The following SLC8A1 variants were observed in gnomAD, a reference collection of about 807,000 sequenced individuals.
SLC8A1 encodes solute carrier family 8 member A1.
In SLC8A1, 18 loss-of-function variants were observed where a neutral mutation model predicts 68.3. The ratio of observed to expected loss-of-function variants is 0.26; its 90% confidence interval spans 0.18 to 0.39. The LOEUF is 0.39. SLC8A1 is among the 10% of genes least tolerant of loss of function. The pLI, the probability that SLC8A1 is intolerant of heterozygous loss-of-function variation, is 1.00. For synonymous variants in SLC8A1, 475 were observed against 415.5 expected (o/e 1.14, Z -1.74); for missense variants, 985 against 1,156.7 (o/e 0.85, Z 2.15).
intron 2 of SLC8A1, among the ~76,000 whole-genome samples, chr2:40,221,221 T>A (rs2058288759): frequency 6.6e-6 from 1 of 152,026 alleles, no homozygotes; most frequent in South Asian, 2.1e-4. Context: ...GCAAGGGTGG[T>A]TCAACATATG....
chr2:40,142,945 A>AGTGT (rs113217495), intron 6 of SLC8A1, among the ~76,000 whole-genome samples: 4,463 of 149,050 alleles, frequency 0.03, 66 homozygotes, highest in Non-Finnish European at 0.04. Context: ...TGTGTGTGTG[A>AGTGT]GTGTGTGTGT....
chr2:40,366,005 A>C (rs1347750765), intron 2 of SLC8A1, among the ~76,000 whole-genome samples: 1 of 151,480 alleles, frequency 6.6e-6, no homozygotes, highest in Admixed American at 6.6e-5. Flanking sequence ...GAAAAAAAAA[A>C]ATCATTTTTA....
At chr2:40,277,457 T>C (rs2066869863) in intron 2 of SLC8A1, among the ~76,000 whole-genome samples, 1 of 152,008 alleles carries the variant, frequency 6.6e-6, no homozygotes, top group Admixed American at 6.6e-5. Flanking sequence ...GGAGAATCAC[T>C]TGAACCTCGG....
At chr2:40,177,976 T>G in intron 2 of SLC8A1, 1 of 688,014 alleles carries the variant, frequency 1.5e-6, no homozygotes, top group Non-Finnish European at 2.6e-6. Context: ...CACATGGGCC[T>G]CCTGAAGTAT....
rs1302436630 is a variant in SLC8A1, at chr2:40,139,642, C to G, written c.2196G>C (p.Glu732Asp). 1.9e-6 allele frequency: 3 copies of G among 1,614,116 alleles called. No homozygotes were observed. In the Admixed American group the frequency reaches 5.0e-5, roughly 27 times the overall value. Reference sequence around the variant, plus strand: ...CGTAATCGAAACAGGAGGGCAGCTTCTCTTCCCCACATTCATCGTCGTCAT... The same window carrying G: ...CGTAATCGAAACAGGAGGGCAGCTTGTCTTCCCCACATTCATCGTCGTCAT... Residue 732 changes from glutamate to aspartate, a missense_variant, in exon 7 of 8, where the codon GAG becomes GAC. Around this residue, in one of 5 missense-constraint regions of SLC8A1, gnomAD observed 584 missense variants for 565.9 expected, o/e 1.03. Coordinates refer to ENST00000406785, the Ensembl canonical transcript of SLC8A1.
exon 2 of SLC8A1, chr2:40,430,048 G>C: frequency 6.2e-7 from 1 of 1,613,884 alleles, no homozygotes. Context: ...ATACACAGTA[G>C]CTCTAGCAAT....
At chr2:40,407,887 C>G (rs1464334342) in intron 2 of SLC8A1, among the ~76,000 whole-genome samples, 4 of 152,218 alleles carry the variant, frequency 2.6e-5, no homozygotes, top group African/African-American at 9.6e-5. Flanking sequence ...TGTTCAGTCT[C>G]TTCTGAGGTG....
intron 2 of SLC8A1, among the ~76,000 whole-genome samples, chr2:40,231,719 G>T (rs558484411): frequency 4.3e-4 from 66 of 152,146 alleles, no homozygotes; most frequent in African/African-American, 1.6e-3. Context: ...AACTCCTCAG[G>T]TTAAGCTGCC....
intron 2 of SLC8A1, among the ~76,000 whole-genome samples, chr2:40,258,022 G>C (rs1217353503): frequency 1.3e-5 from 2 of 152,218 alleles, no homozygotes; most frequent in African/African-American, 4.8e-5. Context: ...ACCAGCGTGG[G>C]TGATGCTGAC....
At chr2:40,127,684 C>A (rs904816283) in intron 7 of SLC8A1, among the ~76,000 whole-genome samples, 2 of 152,124 alleles carry the variant, frequency 1.3e-5, no homozygotes, top group African/African-American at 4.8e-5. Flanking sequence ...GGATTTTTTA[C>A]AATGATGACC....
chr2:40,276,992 T>C (rs2066784190), intron 2 of SLC8A1, among the ~76,000 whole-genome samples: 2 of 152,328 alleles, frequency 1.3e-5, no homozygotes, highest in South Asian at 4.1e-4. Context: ...AGATTCTATG[T>C]ATCAGCCTAA....
intron 2 of SLC8A1, among the ~76,000 whole-genome samples, chr2:40,316,058 T>TC (rs2149323327): frequency 1.3e-5 from 2 of 152,134 alleles, no homozygotes; most frequent in Admixed American, 6.6e-5. Flanking sequence ...AGTCTTTTGT[T>TC]CCCCAAGAAG....
intron 2 of SLC8A1, among the ~76,000 whole-genome samples, chr2:40,364,332 T>C (rs1299452664): frequency 5.3e-5 from 8 of 152,086 alleles, no homozygotes; most frequent in African/African-American, 1.7e-4. Context: ...TCACTGGAAT[T>C]GTGCAATCAC....
intron 2 of SLC8A1, among the ~76,000 whole-genome samples, chr2:40,299,330 G>C (rs1389318370): frequency 2.0e-5 from 3 of 152,104 alleles, no homozygotes; most frequent in African/African-American, 7.2e-5. Flanking sequence ...CTACAGAGTG[G>C]AGAAAAACTT....
exon 2 of SLC8A1, chr2:40,428,725 G>C (rs147259497): frequency 6.2e-7 from 1 of 1,613,830 alleles, no homozygotes. Context: ...TCCGAGGCAA[G>C]CAAGTGTAGA....
At chr2:40,171,790 G>A (rs187900501) in intron 4 of SLC8A1, among the ~76,000 whole-genome samples, 93 of 152,324 alleles carry the variant, frequency 6.1e-4, no homozygotes, top group Non-Finnish European at 1.2e-3. Context: ...AATATTTAGA[G>A]TGTTACCTTG....
intron 2 of SLC8A1, among the ~76,000 whole-genome samples, chr2:40,235,490 T>G (rs2060242754): frequency 6.6e-6 from 1 of 152,300 alleles, no homozygotes; most frequent in Non-Finnish European, 1.5e-5. Flanking sequence ...TCTTCTCTCT[T>G]TTTTTCTTTA....
At chr2:40,377,766 C>A (rs1251269575) in intron 2 of SLC8A1, among the ~76,000 whole-genome samples, 1 of 152,098 alleles carries the variant, frequency 6.6e-6, no homozygotes, top group Non-Finnish European at 1.5e-5. Flanking sequence ...CCTCTCCAAT[C>A]AGGTCTACTT....
chr2:40,420,671 C>T (rs1317405201), intron 2 of SLC8A1, among the ~76,000 whole-genome samples: 1 of 152,108 alleles, frequency 6.6e-6, no homozygotes, highest in Non-Finnish European at 1.5e-5. Flanking sequence ...GCACGGGGTG[C>T]AATGTGGTTA....
Sources: allele counts gnomAD v4.1 joint callset (sites outside exome capture counted in the v4.1 genomes callset), GRCh38; gene constraint gnomAD v4.1.1; regional missense constraint gnomAD v4.1.1; transcripts MANE v1.5; gene names NCBI Gene and HGNC (gene_info 2026-07-23, HGNC 2026-07-21).